GALNTL6: variants seen among roughly 807,000 people sequenced by gnomAD.
The protein encoded by GALNTL6 is polypeptide N-acetylgalactosaminyltransferase-like 6.
A neutral mutation model predicts 73.7 loss-of-function variants in GALNTL6; 46 were observed. That is an observed-to-expected ratio of 0.62 (90% CI 0.49 to 0.80). The LOEUF (loss-of-function observed/expected upper bound fraction) is 0.80, where lower values mean the gene tolerates loss of function less well. Among genes scored for constraint, GALNTL6 ranks in the 30% least tolerant of loss-of-function variants. GALNTL6 has a pLI of 0.00. For synonymous variants in GALNTL6, 259 were observed against 263.7 expected, an observed-to-expected ratio of 0.98 and a Z score of 0.17; for missense variants, 604 against 755.0, an observed-to-expected ratio of 0.80 and a Z score of 2.34.
chr4:171,873,540 T>C (rs1318152951), intron 2 of GALNTL6, among the ~76,000 whole-genome samples: 2 of 152,108 alleles, frequency 1.3e-5, no homozygotes, highest in Non-Finnish European at 2.9e-5. Context: ...AAGGCAAGGG[T>C]GTAATTTGAT....
At chr4:172,110,508 T>A (rs1185574589) in intron 2 of GALNTL6, among the ~76,000 whole-genome samples, 1 of 152,154 alleles carries the variant, frequency 6.6e-6, no homozygotes, top group African/African-American at 2.4e-5. Flanking sequence ...AGTGCACATA[T>A]TTCAGGATGT....
chr4:172,825,905 G>GT (rs1308004511), intron 7 of GALNTL6, among the ~76,000 whole-genome samples: 5 of 152,070 alleles, frequency 3.3e-5, no homozygotes, highest in Admixed American at 1.3e-4. Context: ...CTAGCTAAAT[G>GT]TTTTTTCCTT....
At chr4:171,942,357 T>C (rs934265034) in intron 2 of GALNTL6, among the ~76,000 whole-genome samples, 3 of 152,132 alleles carry the variant, frequency 2.0e-5, no homozygotes, top group African/African-American at 7.2e-5. Context: ...AAATCTCGAA[T>C]GGCCTACTGC....
chr4:172,947,858 G>A (rs1409150287), intron 9 of GALNTL6, among the ~76,000 whole-genome samples: 1 of 152,142 alleles, frequency 6.6e-6, no homozygotes, highest in Non-Finnish European at 1.5e-5. Context: ...ATGAGTATAT[G>A]ATTTTCCTAT....
chr4:172,118,700 A>G (rs746785179), intron 2 of GALNTL6, among the ~76,000 whole-genome samples: 1 of 151,818 alleles, frequency 6.6e-6, no homozygotes. Flanking sequence ...ACTCTGTCTC[A>G]AAACAAAAAA....
intron 2 of GALNTL6, among the ~76,000 whole-genome samples, chr4:171,822,011 G>GA (rs1209176713): frequency 1.3e-5 from 2 of 151,780 alleles, no homozygotes; most frequent in Non-Finnish European, 2.9e-5. Context: ...AAAAAGAAAA[G>GA]AAAAAAGGCA....
chr4:172,142,329 CT>C (rs1248794087), intron 2 of GALNTL6, among the ~76,000 whole-genome samples: 1 of 152,004 alleles, frequency 6.6e-6, no homozygotes, highest in Admixed American at 6.6e-5. Flanking sequence ...ACTTTCTGAT[CT>C]TGCAAAGGTC....
intron 10 of GALNTL6, among the ~76,000 whole-genome samples, chr4:172,960,991 G>A (rs1304982806): frequency 2.1e-5 from 3 of 144,838 alleles, no homozygotes; most frequent in Non-Finnish European, 1.5e-5. Flanking sequence ...TAGAGACACG[G>A]GGAGAAGGGG....
Position 172,592,714 on chromosome 4 carries a change from A to ATCTATCTG in GALNTL6, c.554-216645_554-216644insTATCTGTC, listed in dbSNP as rs1195273267. 3.0e-3 allele frequency among the ~76,000 whole-genome samples: 451 copies of ATCTATCTG among 151,960 alleles called. 1 individual carries two copies. Among genetic ancestry groups the ATCTATCTG allele is most frequent in the Non-Finnish European group, 4.8e-3 (326 of 67,946 alleles). ...TATCTATCTATCTATCTATCTATCT[A>ATCTATCTG]TCGAGAGAGACTATGAGAGGATCCT... On this transcript the variant is annotated intron_variant, in intron 5 of 12. Coordinates refer to ENST00000506823, the MANE Select transcript of GALNTL6 (RefSeq NM_001034845.3).
At chr4:172,625,121 A>C (rs1303379479) in intron 5 of GALNTL6, among the ~76,000 whole-genome samples, 1 of 151,974 alleles carries the variant, frequency 6.6e-6, no homozygotes, top group Admixed American at 6.6e-5. Flanking sequence ...TACTCACTAC[A>C]TGCTGCCTAC....
chr4:171,955,382 C>CTA (rs3080342), intron 2 of GALNTL6, among the ~76,000 whole-genome samples: 4 of 111,384 alleles, frequency 3.6e-5, no homozygotes, highest in Non-Finnish European at 3.7e-5. Context: ...ATCTATCTAT[C>CTA]TATATATATA....
At position 172,424,525 on chromosome 4, in the gene GALNTL6, G is replaced by A. The variant is rs1020529071; in HGVS notation, c.553+75836G>A. On this transcript the variant is annotated intron_variant, in intron 5 of 12. Transcript: ENST00000506823. ...AAAAATAAATTAAAACTATAAAAAC[G>A]ATTTAAATGTAATAGAAATGTGTTT... is the stretch of plus-strand genomic sequence containing the variant. Among the ~76,000 whole-genome samples the A allele has an allele frequency of 9.7e-4, 147 of 152,210 alleles. 1 individual carries two copies. Among genetic ancestry groups the A allele is most frequent in the African/African-American group, 3.5e-3 (145 of 41,536 alleles).
At chr4:172,264,059 G>T (rs1024606820) in intron 3 of GALNTL6, among the ~76,000 whole-genome samples, 2 of 151,380 alleles carry the variant, frequency 1.3e-5, no homozygotes, top group Non-Finnish European at 3.0e-5. Flanking sequence ...TTGGCAGCTG[G>T]GGGGGTGTGG....
At position 172,481,719 on chromosome 4, in the gene GALNTL6, G is replaced by A. The variant is rs150054334; in HGVS notation, c.553+133030G>A. On this transcript the variant is annotated intron_variant, in intron 5 of 12. Transcript: ENST00000506823. ...GCAGAGCACTGATTGGTGCATCCACGAACCCTGAGCTAGACACAGAGTGCT... is the reference window on the plus strand; with the variant it reads ...GCAGAGCACTGATTGGTGCATCCACAAACCCTGAGCTAGACACAGAGTGCT... 8.9e-3 allele frequency among the ~76,000 whole-genome samples: 1,355 copies of A among 152,074 alleles called. 13 individuals are homozygous for A. The highest frequency in any genetic ancestry group is 0.03 in the African/African-American group (1,244 of 41,508).
At chr4:172,372,435 A>G (rs1203493897) in intron 5 of GALNTL6, among the ~76,000 whole-genome samples, 1 of 152,222 alleles carries the variant, frequency 6.6e-6, no homozygotes, top group African/African-American at 2.4e-5. Flanking sequence ...TAGTCCAGAC[A>G]GTGAGATCCT....
At chr4:172,194,052 G>T (rs191819086) in intron 2 of GALNTL6, among the ~76,000 whole-genome samples, 55 of 152,262 alleles carry the variant, frequency 3.6e-4, no homozygotes, top group Non-Finnish European at 5.9e-4. Context: ...AGCTACAGGA[G>T]TATGTTCTGA....
At position 172,315,842 on chromosome 4, in the gene GALNTL6, T is replaced by A. The variant is rs113607769; in HGVS notation, c.386+4090T>A. On this transcript the variant is annotated intron_variant, in intron 4 of 12. Transcript: ENST00000506823. ...GTGTATTGATTTTGCCATGTCTTTG[T>A]ATTTAGTCATCTACCTGAGATGTCA... is the stretch of plus-strand genomic sequence containing the variant. 1.9e-3 allele frequency among the ~76,000 whole-genome samples: 291 copies of A among 152,312 alleles called. 1 individual carries two copies. Among genetic ancestry groups the A allele is most frequent in the African/African-American group, 6.7e-3 (277 of 41,566 alleles).
intron 7 of GALNTL6, among the ~76,000 whole-genome samples, chr4:172,859,636 A>C (rs766421120): frequency 9.2e-5 from 14 of 152,216 alleles, no homozygotes; most frequent in South Asian, 4.1e-4. Context: ...TGAGAAAAAA[A>C]TTAACAGGGG....
intron 5 of GALNTL6, among the ~76,000 whole-genome samples, chr4:172,613,916 G>A (rs1738621477): frequency 6.6e-6 from 1 of 152,018 alleles, no homozygotes; most frequent in South Asian, 2.1e-4. Context: ...TCTTGCTAAA[G>A]GCATTTTGTT....
Sources: gnomAD v4.1 joint callset for allele counts (sites outside exome capture counted in the v4.1 genomes callset) on GRCh38, gnomAD v4.1.1 for gene constraint, MANE v1.5 for transcripts, NCBI Gene and HGNC (gene_info 2026-07-23, HGNC 2026-07-21) for gene names.